Variants in SERTAD4 observed in about 807,000 individuals in gnomAD.
SERTAD4 encodes the protein SERTA domain-containing protein 4.
A neutral mutation model predicts 32.9 loss-of-function variants in SERTAD4; 18 were observed. The observed-to-expected ratio is 0.55, with a 90% CI of 0.38 to 0.81. The LOEUF (loss-of-function observed/expected upper bound fraction) is 0.81, where lower values mean the gene tolerates loss of function less well. Ranked by LOEUF, SERTAD4 falls within the 30% of genes least tolerant of loss-of-function variation. SERTAD4 has a pLI of 0.00. For synonymous variants in SERTAD4, 150 were observed against 156.4 expected, an observed-to-expected ratio of 0.96 and a Z score of 0.30; for missense variants, 383 against 426.0, an observed-to-expected ratio of 0.90 and a Z score of 0.89.
rs894883367 is a variant in SERTAD4, at chr1:210,232,917, C to G, written c.-112C>G. The stretch of plus-strand genomic sequence containing the variant: ...CCGAGCGGGCGGCCGGGCCGGGACC[C>G]GCGAGTGTGCACCGGCGGCCGGGCT... On this transcript the variant is annotated 5_prime_UTR_variant, in exon 1 of 4. Coordinates refer to ENST00000367012, the MANE Select transcript of SERTAD4 (RefSeq NM_019605.5). 6.7e-6 allele frequency: 1 copy of G among 149,094 alleles called. No homozygotes were observed. Among genetic ancestry groups the G allele is most frequent in the Non-Finnish European group, 1.5e-5 (1 of 67,096 alleles). 9.2% of individuals were successfully genotyped at this position (149,094 alleles called of 1,614,324 possible). A position where few individuals can be genotyped will look rare whatever the true frequency, so the allele number is the denominator to read the frequency against.
At chr1:210,236,688 C>A (rs902767929) in intron 1 of SERTAD4, among the ~76,000 whole-genome samples, 2 of 152,090 alleles carry the variant, frequency 1.3e-5, no homozygotes, top group Non-Finnish European at 2.9e-5. Context: ...GAACTGGGCC[C>A]TTAGTTTATG....
rs2083959035 is a variant in SERTAD4 at position 210,238,060 on chromosome 1, T to C, written c.100T>C (p.Tyr34His). 1.2e-6 allele frequency: 2 copies of C among 1,613,788 alleles called. No homozygotes were observed. The highest frequency in any genetic ancestry group is 2.7e-5 in the African/African-American group (2 of 74,904). ...GYQTLWEADSYGGPSPPGPAQ... is the reference protein window; with the variant it reads ...GYQTLWEADSHGGPSPPGPAQ... ...CCAAACACTATGGGAGGCTGACAGCTACGGAGGCCCAAGCCCCCCAGGGCC... is the reference window on the plus strand; with the variant it reads ...CCAAACACTATGGGAGGCTGACAGCCACGGAGGCCCAAGCCCCCCAGGGCC... The change falls in exon 2 of 4, where the codon TAC becomes CAC. Residue 34 changes from tyrosine (Y) to histidine (H), a missense_variant. Transcript: ENST00000367012.
At position 210,245,161 on chromosome 1, in the gene SERTAD4, T is replaced by G. The variant is rs2084036613; in HGVS notation, c.*2824T>G. 6.6e-6 allele frequency: 1 copy of G among 152,216 alleles called. No individual in the cohort carries two copies. The highest frequency in any genetic ancestry group is 2.4e-5 in the African/African-American group (1 of 41,436). The allele number at this position is 152,216 out of a possible 1,614,324, so 9.4% of individuals were successfully genotyped here. A position where few individuals can be genotyped will look rare whatever the true frequency, so the allele number is the denominator to read the frequency against. Reference sequence around the variant, plus strand: ...AAGCTAAGACATCCTCCACCCACACTGGTATCTACGCGCCTGGAAGCTGCA... The same window carrying G: ...AAGCTAAGACATCCTCCACCCACACGGGTATCTACGCGCCTGGAAGCTGCA... On this transcript the variant is annotated 3_prime_UTR_variant, in exon 4 of 4. Transcript: ENST00000367012.
chr1:210,241,696 A>G lies in SERTAD4; in HGVS notation c.430A>G (p.Ile144Val). 3 of 1,614,144 alleles carry G rather than the reference A, an allele frequency of 1.9e-6. No homozygotes were observed. Among genetic ancestry groups the G allele is most frequent in the Non-Finnish European group, 2.5e-6 (3 of 1,180,030 alleles). Residue 144 changes from isoleucine (I) to valine (V), a missense_variant, in exon 4 of 4, where the codon ATC (isoleucine) becomes GTC (valine). Physicochemically the swap from Ile to Val is conservative, Grantham distance 29. Around this residue, in one of 3 missense-constraint regions of SERTAD4, gnomAD observed 107 missense variants for 158.8 expected, o/e 0.67. Transcript: ENST00000367012. Reference protein sequence around the residue: ...NLMKRIHGEIIMQNNWCFPAC... With the variant: ...NLMKRIHGEIVMQNNWCFPAC... Reference sequence around the variant, plus strand: ...GATGAAAAGGATCCATGGAGAAATTATCATGCAGAATAACTGGTGCTTCCC... The same window carrying G: ...GATGAAAAGGATCCATGGAGAAATTGTCATGCAGAATAACTGGTGCTTCCC...
chr1:210,236,984 A>T (rs77997573), intron 1 of SERTAD4, among the ~76,000 whole-genome samples: 2 of 152,166 alleles, frequency 1.3e-5, no homozygotes, highest in African/African-American at 4.8e-5. Context: ...TGAGCTATCG[A>T]GGGGCCCAGG....
rs113299123 is a variant in SERTAD4, at chr1:210,234,961, T to G, written c.-18+1950T>G. 5.1e-3 allele frequency among the ~76,000 whole-genome samples: 778 copies of G among 152,296 alleles called. 3 individuals are homozygous for G. Among genetic ancestry groups the G allele is most frequent in the Non-Finnish European group, 8.4e-3 (574 of 68,018 alleles). On this transcript the variant is annotated intron_variant, in intron 1 of 3. Coordinates refer to ENST00000367012, the MANE Select transcript of SERTAD4 (RefSeq NM_019605.5). ...AGCTTGGCATTCTAGCCCTCAGTCT[T>G]CTGGGGATGCTGGAAGTGTCATTCC... is the stretch of plus-strand genomic sequence containing the variant.
chr1:210,244,378 G>T lies in SERTAD4; in HGVS notation c.*2041G>T, dbSNP rs1261940563. 1 of 152,132 alleles carries T rather than the reference G, an allele frequency of 6.6e-6. No homozygotes were observed. The highest frequency in any genetic ancestry group is 1.5e-5 in the Non-Finnish European group (1 of 68,030). 9.4% of individuals were successfully genotyped at this position (152,132 alleles called of 1,614,324 possible). ...AAGAATGTAAAGATTTTCCTTTCTG[G>T]AGTGTCTCTGAAAAAAATTGTATAA... is the stretch of plus-strand genomic sequence containing the variant. On this transcript the variant is annotated 3_prime_UTR_variant, in exon 4 of 4. Transcript: ENST00000367012.
intron 1 of SERTAD4, among the ~76,000 whole-genome samples, chr1:210,234,590 T>A (rs1045581269): frequency 1.3e-5 from 2 of 152,024 alleles, no homozygotes; most frequent in African/African-American, 4.8e-5. Flanking sequence ...AATGTGGAGG[T>A]CAGGGGCTTG....
At position 210,234,789 on chromosome 1, in the gene SERTAD4, G is replaced by A. The variant is rs146562933; in HGVS notation, c.-18+1778G>A. 3.0e-3 allele frequency among the ~76,000 whole-genome samples: 461 copies of A among 152,296 alleles called. 1 individual carries two copies. Among genetic ancestry groups the A allele is most frequent in the African/African-American group, 0.011 (439 of 41,556 alleles). On this transcript the variant is annotated intron_variant, in intron 1 of 3. Coordinates refer to ENST00000367012, the MANE Select transcript of SERTAD4 (RefSeq NM_019605.5). ...AGCCCCTTGTTAGATTCAAGGTGCCGCTGAATTCATAGCTACCCTGTTTTG... is the reference window on the plus strand; with the variant it reads ...AGCCCCTTGTTAGATTCAAGGTGCCACTGAATTCATAGCTACCCTGTTTTG...
Position 210,237,960 on chromosome 1 carries a change from G to A in SERTAD4, c.-1G>A. On this transcript the variant is annotated 5_prime_UTR_variant, in exon 2 of 4. Transcript: ENST00000367012. ...TCTTTTCAGATCTGAGGCTGTCAGA[G>A]ATGACTCTGGTTCTGTCCATGAATA... 3.2e-6 allele frequency: 5 copies of A among 1,582,188 alleles called. No individual in the cohort carries two copies. Among genetic ancestry groups the A allele is most frequent in the Non-Finnish European group, 3.5e-6 (4 of 1,153,310 alleles).
intron 1 of SERTAD4, among the ~76,000 whole-genome samples, chr1:210,236,326 G>A (rs1442279570): frequency 1.3e-5 from 2 of 152,204 alleles, no homozygotes; most frequent in African/African-American, 4.8e-5. Flanking sequence ...ACGGGGAGGT[G>A]TTGTAGCAGC....
At chr1:210,237,812 T>C (rs2083955225) in intron 1 of SERTAD4, 132 bp from the exon 2 acceptor site, 3 of 644,642 alleles carry the variant, frequency 4.7e-6, no homozygotes, top group East Asian at 2.8e-5. Context: ...ATAAAATGTT[T>C]CAGGGTAAAG....
In SERTAD4 at chr1:210,238,077, C is replaced by T. The variant is rs768106432; in HGVS notation, c.117C>T (p.Pro39=). 1 of 1,613,830 alleles carries T rather than the reference C, an allele frequency of 6.2e-7. No homozygotes were observed. The highest frequency in any genetic ancestry group is 2.2e-5 in the East Asian group (1 of 44,876). ...CTGACAGCTACGGAGGCCCAAGCCCCCCAGGGCCAGCACAAGCTCCTTTGC... is the reference window on the plus strand; with the variant it reads ...CTGACAGCTACGGAGGCCCAAGCCCTCCAGGGCCAGCACAAGCTCCTTTGC... ...WEADSYGGPS[P]PGPAQAPLQG... Residue 39 remains proline (P), a synonymous_variant, in exon 2 of 4, where the codon CCC becomes CCT. Transcript: ENST00000367012.
chr1:210,233,805 C>G (rs1427032278), intron 1 of SERTAD4: 1 of 470,090 alleles, frequency 2.1e-6, no homozygotes, highest in Admixed American at 2.4e-5. Flanking sequence ...AGGGCGCTCC[C>G]GCAACCGCGG....
At chr1:210,238,166 C>T (rs769048351) in intron 2 of SERTAD4, 31 bp downstream of exon 2, 31 of 1,377,428 alleles carry the variant, frequency 2.3e-5, no homozygotes, top group African/African-American at 4.3e-5. Flanking sequence ...CCATCCCCCC[C>T]ACCCCTCGCT....
intron 1 of SERTAD4, among the ~76,000 whole-genome samples, chr1:210,233,380 G>A (rs1440613138): frequency 6.6e-6 from 1 of 152,120 alleles, no homozygotes; most frequent in African/African-American, 2.4e-5. Context: ...GAGACCTCAT[G>A]GTCCTCCGTG....
Position 210,245,889 on chromosome 1 carries a change from A to G in SERTAD4, c.*3552A>G, listed in dbSNP as rs2084044663. ...ATAAGACAAGGATACAAGGATTCCT[A>G]TGTGATGCAGCTAGGTTTTTATATC... On this transcript the variant is annotated 3_prime_UTR_variant, in exon 4 of 4. Coordinates refer to ENST00000367012, the MANE Select transcript of SERTAD4 (RefSeq NM_019605.5). 3 of 985,234 alleles carry G rather than the reference A, an allele frequency of 3.0e-6. No individual in the cohort carries two copies. Among genetic ancestry groups the G allele is most frequent in the East Asian group, 1.1e-4 (1 of 8,832 alleles). The allele number at this position is 985,234 out of a possible 1,614,324, so 61.0% of individuals were successfully genotyped here.
Position 210,241,680 on chromosome 1 carries a change from GATCCATGGAGAAATTATCATGCAGA to G in SERTAD4, c.417_441del (p.His140ThrfsTer53). 6.2e-7 allele frequency: 1 copy of G among 1,613,896 alleles called. No homozygotes were observed. The highest frequency in any genetic ancestry group is 8.5e-7 in the Non-Finnish European group (1 of 1,180,004). On this transcript the variant is annotated frameshift_variant, in exon 4 of 4. Coordinates refer to ENST00000367012, the MANE Select transcript of SERTAD4 (RefSeq NM_019605.5). LOFTEE classifies it high-confidence loss of function. The stretch of plus-strand genomic sequence containing the variant: ...TCCTTATAAACAATTTGATGAAAAG[GATCCATGGAGAAATTATCATGCAGA>G]ATAACTGGTGCTTCCCTGCCTGCTC...
intron 1 of SERTAD4, among the ~76,000 whole-genome samples, chr1:210,236,735 A>G (rs1379540968): frequency 2.8e-4 from 43 of 152,228 alleles, no homozygotes; most frequent in Admixed American, 2.8e-3. Context: ...GCCTGACGTC[A>G]CTTGTGTGAC....
Sources: allele counts gnomAD v4.1 joint callset (sites outside exome capture counted in the v4.1 genomes callset), GRCh38; gene constraint gnomAD v4.1.1; regional missense constraint gnomAD v4.1.1; transcripts MANE v1.5; gene names NCBI Gene and HGNC (gene_info 2026-07-23, HGNC 2026-07-21).